MACROD2: variants seen among roughly 807,000 people sequenced by gnomAD.
MACROD2 encodes the protein ADP-ribose glycohydrolase MACROD2.
A neutral mutation model predicts 70.4 loss-of-function variants in MACROD2; 36 were observed. The ratio of observed to expected loss-of-function variants is 0.51; its 90% CI spans 0.39 to 0.68. The LOEUF is 0.68. Among genes scored for constraint, MACROD2 ranks in the 30% least tolerant of loss-of-function variants. The pLI, the probability that MACROD2 is intolerant of heterozygous loss-of-function variation, is 0.00. For synonymous variants in MACROD2, 172 were observed against 178.8 expected, an observed-to-expected ratio of 0.96 and a Z score of 0.30; for missense variants, 496 against 538.4, an observed-to-expected ratio of 0.92 and a Z score of 0.78.
intron 5 of MACROD2, among the ~76,000 whole-genome samples, chr20:15,041,185 G>A (rs2075353458): frequency 6.6e-6 from 1 of 152,160 alleles, no homozygotes; most frequent in Non-Finnish European, 1.5e-5. Context: ...CAATAAATGG[G>A]AAAGTTATTT....
At position 14,049,585 on chromosome 20, in the gene MACROD2, A is replaced by AG. The variant is rs1427181390; in HGVS notation, c.164-36036_164-36035insG. 2.6e-5 allele frequency among the ~76,000 whole-genome samples: 4 copies of AG among 150,980 alleles called. No homozygotes were observed. In the East Asian group the frequency reaches 7.8e-4, roughly 29 times the overall value. On this transcript the variant is annotated intron_variant, in intron 2 of 17. Coordinates refer to ENST00000684519, the MANE Select transcript of MACROD2 (RefSeq NM_001351661.2). ...GTGAAACCCTGTCTCTACTAAAAAA[A>AG]AAAAAAAAAATACAAAAATTACGTG...
intron 3 of MACROD2, among the ~76,000 whole-genome samples, chr20:14,270,923 G>A (rs907290205): frequency 1.3e-5 from 2 of 152,224 alleles, no homozygotes; most frequent in Admixed American, 1.3e-4. Context: ...CTGCAAGGCC[G>A]CAGCGAGGCT....
chr20:14,364,795 C>T (rs2083256906), intron 3 of MACROD2, among the ~76,000 whole-genome samples: 1 of 152,126 alleles, frequency 6.6e-6, no homozygotes, highest in Non-Finnish European at 1.5e-5. Context: ...TAGTTCATTC[C>T]TCTTTGTGGC....
intron 5 of MACROD2, among the ~76,000 whole-genome samples, chr20:14,816,298 AC>A (rs1037546664): frequency 2.0e-5 from 3 of 152,044 alleles, no homozygotes; most frequent in African/African-American, 7.2e-5. Flanking sequence ...TGATTTCCAA[AC>A]ATCTGTATTT....
intron 5 of MACROD2, among the ~76,000 whole-genome samples, chr20:15,062,959 G>A (rs1268656164): frequency 2.6e-5 from 4 of 152,208 alleles, no homozygotes; most frequent in Admixed American, 6.5e-5. Flanking sequence ...GCTAAGATCT[G>A]TCTGCAGATG....
chr20:15,105,220 C>T (rs1430719482), intron 5 of MACROD2, among the ~76,000 whole-genome samples: 1 of 152,140 alleles, frequency 6.6e-6, no homozygotes, highest in Non-Finnish European at 1.5e-5. Flanking sequence ...CTCAGCTTCT[C>T]TTCCTTGTCT....
At chr20:14,252,232 C>A (rs2082019237) in intron 3 of MACROD2, among the ~76,000 whole-genome samples, 2 of 151,930 alleles carry the variant, frequency 1.3e-5, no homozygotes, top group Admixed American at 1.3e-4. Flanking sequence ...TTATCCAAAT[C>A]AGGTCTCTCC....
At chr20:14,833,967 T>G (rs1431939010) in intron 5 of MACROD2, among the ~76,000 whole-genome samples, 1 of 152,116 alleles carries the variant, frequency 6.6e-6, no homozygotes, top group Admixed American at 6.5e-5. Context: ...ATTTAAACTA[T>G]TCTATGAATA....
At position 15,676,934 on chromosome 20, in the gene MACROD2, T is replaced by A. The variant is rs952947338; in HGVS notation, c.645+177087T>A. Among the ~76,000 whole-genome samples the A allele has an allele frequency of 1.1e-4, 17 of 152,298 alleles. No homozygotes were observed. In the Middle Eastern group the frequency reaches 0.014, roughly 122 times the overall value. On this transcript the variant is annotated intron_variant, in intron 8 of 17. Coordinates refer to ENST00000684519, the MANE Select transcript of MACROD2 (RefSeq NM_001351661.2). ...ACACGTACTGAAGAAAATAAATGCG[T>A]TGGGTTCATCTCCTTGATGGGGATG...
chr20:14,302,665 G>GT (rs555710017), intron 3 of MACROD2, among the ~76,000 whole-genome samples: 62 of 146,020 alleles, frequency 4.2e-4, no homozygotes, highest in East Asian at 1.2e-3. Flanking sequence ...TTTTGTTGTT[G>GT]TTTTTTTTTT....
intron 5 of MACROD2, among the ~76,000 whole-genome samples, chr20:15,061,622 C>G (rs2075533554): frequency 6.6e-6 from 1 of 152,188 alleles, no homozygotes. Context: ...AAACTAATGC[C>G]TTCTCCATGG....
At chr20:15,094,539 C>A (rs1191923558) in intron 5 of MACROD2, among the ~76,000 whole-genome samples, 5 of 152,112 alleles carry the variant, frequency 3.3e-5, no homozygotes, top group African/African-American at 1.2e-4. Flanking sequence ...ACAAATTTGA[C>A]TCTTGTATAC....
At chr20:14,769,326 G>A (rs977468925) in intron 5 of MACROD2, among the ~76,000 whole-genome samples, 2 of 152,124 alleles carry the variant, frequency 1.3e-5, no homozygotes, top group Non-Finnish European at 2.9e-5. Context: ...ACCCACCTGT[G>A]ATGTAGAATC....
At chr20:14,155,817 AT>A (rs893778841) in intron 3 of MACROD2, among the ~76,000 whole-genome samples, 1 of 152,146 alleles carries the variant, frequency 6.6e-6, no homozygotes, top group Admixed American at 6.5e-5. Context: ...GTTATCTATC[AT>A]TTTGTTATCT....
chr20:15,541,789 G>A (rs758471359), intron 8 of MACROD2, among the ~76,000 whole-genome samples: 24 of 152,178 alleles, frequency 1.6e-4, no homozygotes, highest in Non-Finnish European at 3.1e-4. Flanking sequence ...CTGGATGACT[G>A]TTGTGTAAAT....
intron 12 of MACROD2, among the ~76,000 whole-genome samples, chr20:15,943,741 C>T (rs2065782540): frequency 6.6e-6 from 1 of 151,960 alleles, no homozygotes; most frequent in Admixed American, 6.6e-5. Flanking sequence ...GGTTAACCGC[C>T]GTACCTAATA....
At chr20:15,590,203 T>TA (rs34645289) in intron 8 of MACROD2, among the ~76,000 whole-genome samples, 1 of 152,252 alleles carries the variant, frequency 6.6e-6, no homozygotes, top group Non-Finnish European at 1.5e-5. Context: ...TGTTTACACC[T>TA]AGTGTTGTGG....
In MACROD2 at chr20:14,220,951, G is replaced by A. The variant is rs375276987; in HGVS notation, c.271+135223G>A. ...CCTCTCAGGATGGCTGGTTTGTTTTGCAGTCGATCTGATGCTAAAATTCAC... is the reference window on the plus strand; with the variant it reads ...CCTCTCAGGATGGCTGGTTTGTTTTACAGTCGATCTGATGCTAAAATTCAC... On this transcript the variant is annotated intron_variant, in intron 3 of 17. Transcript: ENST00000684519. Among the ~76,000 whole-genome samples the A allele has an allele frequency of 4.9e-4, 75 of 152,224 alleles. 3 individuals are homozygous for A. In the South Asian group the frequency reaches 0.015, roughly 30 times the overall value.
At chr20:15,167,459 T>A (rs2076393492) in intron 5 of MACROD2, among the ~76,000 whole-genome samples, 1 of 152,214 alleles carries the variant, frequency 6.6e-6, no homozygotes, top group African/African-American at 2.4e-5. Context: ...TCCTCCTCGC[T>A]GTATTCAGTC....
Sources: gnomAD v4.1 joint callset for allele counts (sites outside exome capture counted in the v4.1 genomes callset) on GRCh38, gnomAD v4.1.1 for gene constraint, MANE v1.5 for transcripts, NCBI Gene and HGNC (gene_info 2026-07-23, HGNC 2026-07-21) for gene names.